Variants in AHDC1 observed in about 807,000 individuals in gnomAD.
The protein encoded by AHDC1 is transcription factor Gibbin.
AHDC1 carries 7 observed loss-of-function variants against 87.9 expected under a neutral mutation model. That is an observed-to-expected ratio of 0.08 (90% confidence interval 0.05 to 0.15). The LOEUF (loss-of-function observed/expected upper bound fraction) is 0.15. Ranked by LOEUF, AHDC1 falls within the 10% of genes least tolerant of loss-of-function variation. AHDC1 has a pLI of 1.00. For missense variants in AHDC1, 1,841 were observed against 2,253.2 expected, an observed-to-expected ratio of 0.82 and a Z score of 3.70; for synonymous variants, 1,051 against 1,006.8, an observed-to-expected ratio of 1.04 and a Z score of -0.83.
At chr1:27,567,108 C>T (rs1292965681) in intron 3 of AHDC1, among the ~76,000 whole-genome samples, 2 of 152,156 alleles carry the variant, frequency 1.3e-5, no homozygotes, top group Non-Finnish European at 2.9e-5. Context: ...TCCCAGCTTC[C>T]TGCATGCGCC....
intron 3 of AHDC1, among the ~76,000 whole-genome samples, chr1:27,585,243 GAC>G (rs1229586245): frequency 1.6e-4 from 19 of 117,658 alleles, no homozygotes; most frequent in Admixed American, 1.5e-3. Flanking sequence ...ACAGGAGTAA[GAC>G]CCTGTCTCAA....
chr1:27,588,341 G>A (rs1257502885), intron 3 of AHDC1, among the ~76,000 whole-genome samples: 1 of 152,158 alleles, frequency 6.6e-6, no homozygotes, highest in African/African-American at 2.4e-5. Flanking sequence ...GAGCCTGTGA[G>A]GGAAGGGCTC....
At chr1:27,536,097 C>T (rs750431791) in intron 8 of AHDC1, among the ~76,000 whole-genome samples, 67 of 152,320 alleles carry the variant, frequency 4.4e-4, no homozygotes, top group Non-Finnish European at 6.2e-4. Flanking sequence ...GGAGCCCATC[C>T]GTCCTCCCCC....
rs1428669110 is a variant in AHDC1 at position 27,549,763 on chromosome 1, C to T, written c.2353G>A (p.Gly785Arg). ...AACCCACAGTTTCGGCCAGCTTGTC[C>T]GCCTGGGTGCCCATGGTGAGGGGCC... ...GWAPHHGHPG[G>R]QAGRNCGFQG... is the part of the protein sequence containing the mutation. The change falls in exon 8 of 9, where the codon GGA (glycine) becomes AGA (arginine). Residue 785 changes from glycine (G) to arginine (R), a missense_variant. Coordinates refer to ENST00000673934, the MANE Select transcript of AHDC1 (RefSeq NM_001371928.1). The T allele has an allele frequency of 7.4e-6, 12 of 1,613,082 alleles. No individual in the cohort carries two copies. Among genetic ancestry groups the T allele is most frequent in the Admixed American group, 3.3e-5 (2 of 60,010 alleles).
intron 8 of AHDC1, among the ~76,000 whole-genome samples, chr1:27,545,235 A>G (rs773724119): frequency 1.3e-5 from 2 of 151,932 alleles, no homozygotes; most frequent in African/African-American, 2.4e-5. Flanking sequence ...TCTAAATGGG[A>G]AGCCCCCTGA....
At position 27,547,648 on chromosome 1, in the gene AHDC1, C is replaced by A; in HGVS notation, c.4468G>T (p.Asp1490Tyr). ...EGKVGTGLLA[D>Y]FLGRTEAACL... is the part of the protein sequence containing the mutation. Reference sequence around the variant, plus strand: ...GCGGCCTCCGTCCTGCCCAGGAAGTCAGCCAGCAGCCCTGTACCCACCTTG... The same window carrying A: ...GCGGCCTCCGTCCTGCCCAGGAAGTAAGCCAGCAGCCCTGTACCCACCTTG... The change falls in exon 8 of 9, where the codon GAC becomes TAC. Residue 1490 changes from aspartate (D) to tyrosine (Y), a missense_variant. Physicochemically the swap from Asp to Tyr is radical, Grantham distance 160 (BLOSUM62 -3). Transcript: ENST00000673934. The surrounding 1 kb of genome is among the most constrained non-coding windows in gnomAD (Gnocchi z 4.9). The A allele has an allele frequency of 2.5e-6, 4 of 1,598,442 alleles. No individual in the cohort carries two copies. Among genetic ancestry groups the A allele is most frequent in the Non-Finnish European group, 3.4e-6 (4 of 1,173,204 alleles).
chr1:27,577,506 G>A (rs2088788824), intron 3 of AHDC1, among the ~76,000 whole-genome samples: 1 of 152,190 alleles, frequency 6.6e-6, no homozygotes, highest in African/African-American at 2.4e-5. Context: ...AGAGCCATGG[G>A]GGCAGGGGCA....
intron 8 of AHDC1, among the ~76,000 whole-genome samples, chr1:27,539,504 A>T (rs2018809541): frequency 6.6e-6 from 1 of 151,786 alleles, no homozygotes; most frequent in Non-Finnish European, 1.5e-5. Flanking sequence ...GGAGTACAGC[A>T]GTGCAATCTT....
chr1:27,543,642 C>T (rs1053104881), intron 8 of AHDC1, among the ~76,000 whole-genome samples: 15 of 152,172 alleles, frequency 9.9e-5, no homozygotes, highest in Admixed American at 5.2e-4. Context: ...ATGTCAGACC[C>T]AGCAAGAGTT....
intron 8 of AHDC1, among the ~76,000 whole-genome samples, chr1:27,541,159 C>T (rs978251762): frequency 6.6e-6 from 1 of 151,976 alleles, no homozygotes; most frequent in African/African-American, 2.4e-5. Context: ...GCTAAAGCCT[C>T]TGAAGTCTCA....
Position 27,551,072 on chromosome 1 carries a change from C to T in AHDC1, c.1044G>A (p.Leu348=). Residue 348 remains leucine (L), a synonymous_variant, in exon 8 of 9, where the codon CTG becomes CTA. Coordinates refer to ENST00000673934, the MANE Select transcript of AHDC1 (RefSeq NM_001371928.1). ...AGTGCCCCAGGGGCTGCTGGGGCTC[C>T]AGACGGCGACCTGGGACGTCAAGCA... The part of the protein sequence containing the change: ...PKLLDVPGRR[L]EPQQPLGHCP... 6.4e-7 allele frequency: 1 copy of T among 1,559,276 alleles called. No homozygotes were observed.
In AHDC1 at chr1:27,558,480, C is replaced by T. The variant is rs958955538; in HGVS notation, c.-400G>A. On this transcript the variant is annotated 5_prime_UTR_variant, in exon 5 of 9. Coordinates refer to ENST00000673934, the MANE Select transcript of AHDC1 (RefSeq NM_001371928.1). The surrounding 1 kb of genome is among the most constrained non-coding windows in gnomAD (Gnocchi z 5.6). ...TCATCAAGGCGCAGGGAAGAGTCCT[C>T]AGGCTAGGAGGTAGGACTCACTGTA... is the stretch of plus-strand genomic sequence containing the variant. The T allele has an allele frequency of 6.1e-6, 2 of 330,154 alleles. No homozygotes were observed. The highest frequency in any genetic ancestry group is 9.1e-5 in the East Asian group (2 of 21,976). 20.5% of individuals were successfully genotyped at this position (330,154 alleles called of 1,614,324 possible).
chr1:27,541,096 C>G (rs1428882482), intron 8 of AHDC1, among the ~76,000 whole-genome samples: 1 of 146,204 alleles, frequency 6.8e-6, no homozygotes, highest in African/African-American at 2.5e-5. Context: ...GGGTGGGGTG[C>G]GTGCTTGGAG....
In AHDC1 at chr1:27,563,141, GCA is replaced by G. The variant is rs766784916; in HGVS notation, c.-628-4260_-628-4259del. On this transcript the variant is annotated intron_variant, in intron 3 of 8. Coordinates refer to ENST00000673934, the MANE Select transcript of AHDC1 (RefSeq NM_001371928.1). The surrounding 1 kb of genome is among the most constrained non-coding windows in gnomAD (Gnocchi z 6.1). ...CACACACACGCACGCACGCATGCAT[GCA>G]CACACCCACACAAAGAACCTGTCAC... 2.0e-5 allele frequency among the ~76,000 whole-genome samples: 3 copies of G among 149,950 alleles called. No individual in the cohort carries two copies. In the East Asian group the frequency reaches 5.9e-4, roughly 29 times the overall value.
Position 27,563,734 on chromosome 1 carries a change from C to G in AHDC1, c.-628-4851G>C, listed in dbSNP as rs375488315. 1.3e-5 allele frequency among the ~76,000 whole-genome samples: 2 copies of G among 152,150 alleles called. No homozygotes were observed. The highest frequency in any genetic ancestry group is 4.8e-5 in the African/African-American group (2 of 41,422). On this transcript the variant is annotated intron_variant, in intron 3 of 8. Transcript: ENST00000673934. The surrounding 1 kb of genome is among the most constrained non-coding windows in gnomAD (Gnocchi z 6.1). Reference sequence around the variant, plus strand: ...CAGGGCTCTGGTGTGACCTTGGCCTCTGGACACCAGGAGGGGAGGTGCTGT... The same window carrying G: ...CAGGGCTCTGGTGTGACCTTGGCCTGTGGACACCAGGAGGGGAGGTGCTGT...
At chr1:27,568,253 A>G (rs1156847260) in intron 3 of AHDC1, 2 of 152,224 alleles carry the variant, frequency 1.3e-5, no homozygotes, top group Non-Finnish European at 2.9e-5. Flanking sequence ...TAGTGCTGGT[A>G]CTGCCCTTAA....
At chr1:27,542,201 A>C (rs1254226293) in intron 8 of AHDC1, among the ~76,000 whole-genome samples, 1 of 152,246 alleles carries the variant, frequency 6.6e-6, no homozygotes, top group Non-Finnish European at 1.5e-5. Context: ...AATATTTTTC[A>C]TATTTGCAGT....
At chr1:27,538,860 A>G (rs922744352) in intron 8 of AHDC1, among the ~76,000 whole-genome samples, 3 of 152,042 alleles carry the variant, frequency 2.0e-5, no homozygotes, top group Non-Finnish European at 2.9e-5. Flanking sequence ...GTGATGGGAG[A>G]GATCTTCCGG....
rs1227039585 is a variant in AHDC1 at position 27,549,351 on chromosome 1, G to A, written c.2765C>T (p.Pro922Leu). 2 of 1,612,630 alleles carry A rather than the reference G, an allele frequency of 1.2e-6. No homozygotes were observed. The highest frequency in any genetic ancestry group is 1.7e-6 in the Non-Finnish European group (2 of 1,179,480). Residue 922 changes from proline (P) to leucine (L), a missense_variant, in exon 8 of 9, where the codon CCA becomes CTA. This residue lies in a region of AHDC1 where 378 missense variants were observed against 399.0 expected (regional missense o/e 0.95). Coordinates refer to ENST00000673934, the MANE Select transcript of AHDC1 (RefSeq NM_001371928.1). ...QPVLSARQTF[P>L]PGRAASYGLT... ...CCCATAGCTTGCTGCTCGTCCTGGT[G>A]GGAAGGTCTGGCGCGCGGACAGGAC...
Sources: gnomAD v4.1 joint callset for allele counts (sites outside exome capture counted in the v4.1 genomes callset) on GRCh38, gnomAD v4.1.1 for gene constraint, gnomAD v4.1.1 regional missense constraint, Gnocchi (gnomAD v3.1) non-coding constraint, MANE v1.5 for transcripts, NCBI Gene and HGNC (gene_info 2026-07-23, HGNC 2026-07-21) for gene names.